PCNX3: variants seen among roughly 807,000 people sequenced by gnomAD.
PCNX3 encodes pecanex 3, also known as pecanex-like protein 3.
Under a neutral mutation model 207.2 loss-of-function variants are expected in PCNX3, and 58 were observed. The ratio of observed to expected loss-of-function variants is 0.28; its 90% CI spans 0.23 to 0.35. PCNX3 has a LOEUF of 0.35. Among genes scored for constraint, PCNX3 ranks in the 10% least tolerant of loss-of-function variants. The pLI is 1.00. For missense variants in PCNX3, 2,410 were observed against 2,774.4 expected, an observed-to-expected ratio of 0.87 and a Z score of 2.95; for synonymous variants, 1,337 against 1,183.5, an observed-to-expected ratio of 1.13 and a Z score of -2.66.
chr11:65,636,374 T>A lies in PCNX3; in HGVS notation c.5594-17T>A, dbSNP rs760784819. 6.3e-7 allele frequency: 1 copy of A among 1,581,578 alleles called. No individual in the cohort carries two copies. The highest frequency in any genetic ancestry group is 8.6e-7 in the Non-Finnish European group (1 of 1,163,190). On this transcript the variant is annotated splice_polypyrimidine_tract_variant and intron_variant, in intron 33 of 34. Coordinates refer to ENST00000355703, the MANE Select transcript of PCNX3 (RefSeq NM_032223.4). ...CAGCCCAGCTGAGGCCTCTGCTGTC[T>A]TATCTGTCTCCTACAGGCAATGGTG...
At position 65,637,287 on chromosome 11, in the gene PCNX3, C is replaced by G. The variant is rs1294044659; in HGVS notation, c.*309C>G. On this transcript the variant is annotated 3_prime_UTR_variant, in exon 35 of 35. Transcript: ENST00000355703. ...GCCAGGACCACCTCAGCCCCTGGGC[C>G]TGCACTGCCTGCAGGTGTGGCCCCC... The G allele has an allele frequency of 2.5e-6, 1 of 400,712 alleles. No individual in the cohort carries two copies. Among genetic ancestry groups the G allele is most frequent in the Non-Finnish European group, 4.5e-6 (1 of 220,178 alleles). The allele number at this position is 400,712 out of a possible 1,614,324, so 24.8% of individuals were successfully genotyped here. A position where few individuals can be genotyped will look rare whatever the true frequency, so the allele number is the denominator to read the frequency against.
In PCNX3 at chr11:65,635,879, G is replaced by A; in HGVS notation, c.5459+76G>A. 1 of 1,493,440 alleles carries A rather than the reference G, an allele frequency of 6.7e-7. No homozygotes were observed. The highest frequency in any genetic ancestry group is 8.9e-7 in the Non-Finnish European group (1 of 1,120,028). 92.5% of individuals were successfully genotyped at this position (1,493,440 alleles called of 1,614,324 possible). A position where few individuals can be genotyped will look rare whatever the true frequency, so the allele number is the denominator to read the frequency against. ...AGTACGTCCCTCCTGGGTCTCAGAG[G>A]GAGGACGTGCTGGAGCCAGGGCTTG... On this transcript the variant is annotated intron_variant, in intron 32 of 34. Transcript: ENST00000355703. The surrounding 1 kb of genome is among the most constrained non-coding windows in gnomAD (Gnocchi z 9.9).
rs772323352 is a variant in PCNX3, at chr11:65,635,086, C to T, written c.4919C>T (p.Ala1640Val). Residue 1640 changes from alanine (A) to valine (V), a missense_variant, in exon 30 of 35, where the codon GCG (alanine) becomes GTG (valine). Physicochemically the swap from Ala to Val is moderately conservative, Grantham distance 64. Around this residue, in one of 8 missense-constraint regions of PCNX3, gnomAD observed 420 missense variants for 705.3 expected, o/e 0.60. Transcript: ENST00000355703. The surrounding 1 kb of genome is among the most constrained non-coding windows in gnomAD (Gnocchi z 9.9). ...ADMDLLHRVV[A>V]PGVRMALKLH... ...ATGGACCTGCTTCACCGCGTTGTGG[C>T]GCCTGGGGTTCGCATGGCCCTCAAG... The T allele has an allele frequency of 2.9e-5, 47 of 1,613,610 alleles. No individual in the cohort carries two copies. Among genetic ancestry groups the T allele is most frequent in the East Asian group, 1.1e-4 (5 of 44,862 alleles).
intron 11 of PCNX3, 106 bp from the exon 12 acceptor site, chr11:65,623,385 T>C (rs1326026115): frequency 8.6e-6 from 12 of 1,399,804 alleles, no homozygotes; most frequent in Non-Finnish European, 9.5e-6. Context: ...GGGTCTGGCA[T>C]GGGCACAGTC....
In PCNX3 at chr11:65,623,754, A is replaced by C. The variant is rs372695188; in HGVS notation, c.2511+110A>C. On this transcript the variant is annotated intron_variant, in intron 12 of 34. Coordinates refer to ENST00000355703, the MANE Select transcript of PCNX3 (RefSeq NM_032223.4). ...AGCTGAAAGGTAGATAATTTGTCTA[A>C]GGTTCCCTAGAGCTGGCCAGCTCTT... 63 of 1,533,548 alleles carry C rather than the reference A, an allele frequency of 4.1e-5. No individual in the cohort carries two copies. In the African/African-American group the frequency reaches 7.7e-4, roughly 19 times the overall value. The allele number at this position is 1,533,548 out of a possible 1,614,324, so 95.0% of individuals were successfully genotyped here.
At position 65,624,411 on chromosome 11, in the gene PCNX3, C is replaced by T. The variant is rs373824825; in HGVS notation, c.2716+45C>T. ...GAGGTGGCCCAGGAGAGTGAGTCCC[C>T]GAGGGTGGGCCGCGGAAAGCCAGCA... On this transcript the variant is annotated intron_variant, in intron 14 of 34. Transcript: ENST00000355703. 181 of 1,551,396 alleles carry T rather than the reference C, an allele frequency of 1.2e-4. 1 individual carries two copies. Among genetic ancestry groups the T allele is most frequent in the South Asian group, 4.3e-4 (36 of 84,116 alleles).
In PCNX3 at chr11:65,618,363, G is replaced by T. The variant is rs370431994; in HGVS notation, c.1001G>T (p.Gly334Val). The change falls in exon 6 of 35, where the codon GGC becomes GTC. Residue 334 changes from glycine (G) to valine (V), a missense_variant. Gly to Val is a moderately radical substitution (Grantham distance 109, BLOSUM62 -3). Around this residue, in one of 8 missense-constraint regions of PCNX3, gnomAD observed 1,104 missense variants for 970.3 expected, o/e 1.14. Coordinates refer to ENST00000355703, the MANE Select transcript of PCNX3 (RefSeq NM_032223.4). ...DSPPGGPAPEGSDTDPPSEAE... is the reference protein window; with the variant it reads ...DSPPGGPAPEVSDTDPPSEAE... ...CCCCCAGGGGGGCCAGCCCCTGAGG[G>T]CAGCGACACAGACCCACCCTCTGAG... 1 of 1,612,476 alleles carries T rather than the reference G, an allele frequency of 6.2e-7. No individual in the cohort carries two copies. Among genetic ancestry groups the T allele is most frequent in the Non-Finnish European group, 8.5e-7 (1 of 1,179,742 alleles).
chr11:65,616,778 G>C (rs1248263607), intron 1 of PCNX3, 46 bp from the exon 2 acceptor site: 13 of 1,577,156 alleles, frequency 8.2e-6, no homozygotes, highest in Non-Finnish European at 1.1e-5. Flanking sequence ...ACATCCTGTG[G>C]GGGCGAGGCT....
In PCNX3 at chr11:65,636,384, C is replaced by T; in HGVS notation, c.5594-7C>T. On this transcript the variant is annotated splice_polypyrimidine_tract_variant and splice_region_variant and intron_variant, in intron 33 of 34. Transcript: ENST00000355703. ...GAGGCCTCTGCTGTCTTATCTGTCT[C>T]CTACAGGCAATGGTGACCAACCCCT... 1 of 1,572,052 alleles carries T rather than the reference C, an allele frequency of 6.4e-7. No individual in the cohort carries two copies. The highest frequency in any genetic ancestry group is 1.2e-5 in the South Asian group (1 of 85,010).
Position 65,618,941 on chromosome 11 carries a change from G to T in PCNX3, c.1579G>T (p.Ala527Ser). 1 of 1,606,068 alleles carries T rather than the reference G, an allele frequency of 6.2e-7. No homozygotes were observed. Reference protein sequence around the residue: ...PLAGCKAELEAQVGVEQAASE... With the variant: ...PLAGCKAELESQVGVEQAASE... ...GGCTGGCTGCAAGGCAGAGCTGGAG[G>T]CCCAGGTTGGGGTGGAGCAGGCTGC... Residue 527 changes from alanine to serine, a missense_variant, in exon 6 of 35, where the codon GCC becomes TCC. Coordinates refer to ENST00000355703, the MANE Select transcript of PCNX3 (RefSeq NM_032223.4).
In PCNX3 at chr11:65,634,185, C is replaced by T. The variant is rs1486514397; in HGVS notation, c.4530C>T (p.Gly1510=). 6.2e-7 allele frequency: 1 copy of T among 1,613,596 alleles called. No individual in the cohort carries two copies. Among genetic ancestry groups the T allele is most frequent in the South Asian group, 1.1e-5 (1 of 91,042 alleles). The part of the protein sequence containing the change: ...PKLEVWLSHE[G]ITAALRPVRV... ...TGGAGGTGTGGCTCAGCCATGAGGG[C>T]ATCACGGCAGCCCTGAGGCCTGTGC... is the stretch of plus-strand genomic sequence containing the variant. Residue 1510 remains glycine, a synonymous_variant, in exon 28 of 35, where the codon GGC becomes GGT. Coordinates refer to ENST00000355703, the MANE Select transcript of PCNX3 (RefSeq NM_032223.4).
chr11:65,629,206 C>T (rs1855521458), intron 24 of PCNX3, 151 bp from the exon 25 acceptor site: 2 of 947,500 alleles, frequency 2.1e-6, no homozygotes, highest in Non-Finnish European at 1.6e-6. Context: ...GTGTGAGTCC[C>T]TTCATGTACC....
In PCNX3 at chr11:65,618,698, A is replaced by G; in HGVS notation, c.1336A>G (p.Ser446Gly). Residue 446 changes from serine to glycine, a missense_variant, in exon 6 of 35, where the codon AGC (serine) becomes GGC (glycine). Ser to Gly is a moderately conservative substitution (Grantham distance 56, BLOSUM62 0). Around this residue, in one of 8 missense-constraint regions of PCNX3, gnomAD observed 1,104 missense variants for 970.3 expected, o/e 1.14. Transcript: ENST00000355703. Reference protein sequence around the residue: ...LRSQRRYSTDSSSSTSCYSPE... With the variant: ...LRSQRRYSTDGSSSTSCYSPE... ...ATCGCAGCGCCGCTACAGTACTGAC[A>G]GCTCCTCTTCTACTTCCTGCTACTC... is the stretch of plus-strand genomic sequence containing the variant. 6.2e-7 allele frequency: 1 copy of G among 1,613,114 alleles called. No homozygotes were observed. The highest frequency in any genetic ancestry group is 8.5e-7 in the Non-Finnish European group (1 of 1,179,644).
chr11:65,621,908 AAAGGACAAGTGGACTTCCTTGAGC>A (rs1278080628), intron 10 of PCNX3, among the ~76,000 whole-genome samples: 1 of 152,210 alleles, frequency 6.6e-6, no homozygotes, highest in Non-Finnish European at 1.5e-5. Context: ...GCCAGGTCCC[AAAGGACAAGTGGACTTCCTTGAGC>A]TTCAGAAGAG....
chr11:65,624,065 C>T (rs1310134439), intron 13 of PCNX3, 104 bp downstream of exon 13: 4 of 1,571,778 alleles, frequency 2.5e-6, no homozygotes, highest in African/African-American at 1.3e-5. Flanking sequence ...CCCTCACCAC[C>T]CCCATCACCC....
At position 65,628,625 on chromosome 11, in the gene PCNX3, G is replaced by A. The variant is rs746268376; in HGVS notation, c.3733G>A (p.Val1245Met). The A allele has an allele frequency of 8.7e-6, 14 of 1,613,464 alleles. No homozygotes were observed. The highest frequency in any genetic ancestry group is 3.3e-5 in the Admixed American group (2 of 60,004). ...LWDLLYKLRF[V>M]LTYIAPWQIT... ...GGACTTGCTGTACAAGCTGCGTTTC[G>A]TGCTGACCTACATCGCGCCCTGGCA... The change falls in exon 23 of 35, where the codon GTG becomes ATG. Residue 1245 changes from valine (V) to methionine (M), a missense_variant. Physicochemically the swap from Val to Met is conservative, Grantham distance 21. Around this residue, in one of 8 missense-constraint regions of PCNX3, gnomAD observed 420 missense variants for 705.3 expected, o/e 0.60. Transcript: ENST00000355703.
chr11:65,625,154 A>G lies in PCNX3; in HGVS notation c.2920-17A>G. 6.3e-7 allele frequency: 1 copy of G among 1,590,504 alleles called. No homozygotes were observed. The highest frequency in any genetic ancestry group is 8.6e-7 in the Non-Finnish European group (1 of 1,165,214). On this transcript the variant is annotated splice_polypyrimidine_tract_variant and intron_variant, in intron 16 of 34. Coordinates refer to ENST00000355703, the MANE Select transcript of PCNX3 (RefSeq NM_032223.4). This position sits in a 1 kb window ranked among gnomAD's most constrained non-coding sequence, Gnocchi z 5.6. ...GCTTACCTCACCTCCCCTGACCAGCATGGATTCTCTCCGCAGACTCCGTGG... is the reference window on the plus strand; with the variant it reads ...GCTTACCTCACCTCCCCTGACCAGCGTGGATTCTCTCCGCAGACTCCGTGG...
chr11:65,626,186 C>T (rs1235358172), intron 20 of PCNX3, 132 bp downstream of exon 20: 7 of 1,237,884 alleles, frequency 5.7e-6, no homozygotes, highest in Non-Finnish European at 8.0e-6. Context: ...CTTTCTGCTC[C>T]CTCCCTGCCC....
Position 65,619,779 on chromosome 11 carries a change from C to T in PCNX3, c.1855C>T (p.Arg619Trp), listed in dbSNP as rs750245466. 1.1e-5 allele frequency: 17 copies of T among 1,579,652 alleles called. No individual in the cohort carries two copies. The highest frequency in any genetic ancestry group is 4.0e-5 in the African/African-American group (3 of 74,482). Residue 619 changes from arginine to tryptophan, a missense_variant, in exon 8 of 35, where the codon CGG becomes TGG. By Grantham distance (101) the Arg-to-Trp change is moderately radical. Around this residue, in one of 8 missense-constraint regions of PCNX3, gnomAD observed 1,104 missense variants for 970.3 expected, o/e 1.14. Coordinates refer to ENST00000355703, the MANE Select transcript of PCNX3 (RefSeq NM_032223.4). ...CAGCCTGCAGGAAGCTCAGCGGGGC[C>T]GGGCTGCCTCCCACTCCCGGGCGCT... is the stretch of plus-strand genomic sequence containing the variant. ...PSSLQEAQRG[R>W]AASHSRALTL...
Sources: gnomAD v4.1 joint callset for allele counts (sites outside exome capture counted in the v4.1 genomes callset) on GRCh38, gnomAD v4.1.1 for gene constraint, gnomAD v4.1.1 regional missense constraint, Gnocchi (gnomAD v3.1) non-coding constraint, MANE v1.5 for transcripts, NCBI Gene and HGNC (gene_info 2026-07-23, HGNC 2026-07-21) for gene names.